The following TBC1D9B variants were observed in gnomAD, a reference collection of about 807,000 sequenced individuals.
The protein encoded by TBC1D9B is TBC1 domain family member 9B.
A neutral mutation model predicts 121.1 loss-of-function variants in TBC1D9B; 87 were observed. The observed-to-expected ratio is 0.72, with a 90% CI of 0.60 to 0.86. The LOEUF (loss-of-function observed/expected upper bound fraction) is 0.86, where lower values mean the gene tolerates loss of function less well. Ranked by LOEUF, TBC1D9B falls within the 40% of genes least tolerant of loss-of-function variation. The pLI, the probability that TBC1D9B is intolerant of heterozygous loss-of-function variation, is 0.00. For missense variants in TBC1D9B, 1,540 were observed against 1,628.6 expected (o/e 0.95, Z 0.94); for synonymous variants, 668 against 670.1 (o/e 1.00, Z 0.05).
chr5:179,901,204 A>G (rs1761157410), intron 2 of TBC1D9B, among the ~76,000 whole-genome samples: 1 of 152,198 alleles, frequency 6.6e-6, no homozygotes, highest in Non-Finnish European at 1.5e-5. Context: ...TTACTCCTGG[A>G]AGCCCCTTAA....
rs1297692868 is a variant in TBC1D9B, at chr5:179,875,936, G to A, written c.1884C>T (p.Tyr628=). The A allele has an allele frequency of 4.4e-6, 7 of 1,607,816 alleles. No homozygotes were observed. Among genetic ancestry groups the A allele is most frequent in the Non-Finnish European group, 5.9e-6 (7 of 1,177,738 alleles). Residue 628 remains tyrosine, a synonymous_variant, in exon 11 of 21, where the codon TAC becomes TAT. Transcript: ENST00000355235. This position sits in a 1 kb window ranked among gnomAD's most constrained non-coding sequence, Gnocchi z 4.5. ...GACACTCACCCACCACCCTGGTGTTGTAGTAGTCGGGCAGCATGCGCTCGC... is the reference window on the plus strand; with the variant it reads ...GACACTCACCCACCACCCTGGTGTTATAGTAGTCGGGCAGCATGCGCTCGC... ...ALCERMLPDY[Y]NTRVVGALVD... is the part of the protein sequence containing the mutation.
At chr5:179,870,623 G>T in intron 15 of TBC1D9B, 128 bp from the exon 16 acceptor site, 1 of 1,355,470 alleles carries the variant, frequency 7.4e-7, no homozygotes. Flanking sequence ...GTAAGCACGG[G>T]CCAGACACTG....
rs567309688 is a variant in TBC1D9B, at chr5:179,887,044, G to C, written c.1254+1059C>G. 4.6e-5 allele frequency among the ~76,000 whole-genome samples: 7 copies of C among 152,352 alleles called. No homozygotes were observed. In the South Asian group the frequency reaches 1.4e-3, roughly 32 times the overall value. ...AAAAACTCACTGGTCACATGTGGAA[G>C]ACACTAGAAAACCAACTCATCATTA... On this transcript the variant is annotated intron_variant, in intron 7 of 20. Transcript: ENST00000355235.
intron 5 of TBC1D9B, among the ~76,000 whole-genome samples, chr5:179,892,538 G>A (rs1034469203): frequency 8.5e-5 from 13 of 152,244 alleles, no homozygotes; most frequent in Admixed American, 3.9e-4. Context: ...GAACCCAAAC[G>A]TTAAGTAGCC....
intron 12 of TBC1D9B, among the ~76,000 whole-genome samples, chr5:179,873,973 C>T (rs1254604493): frequency 1.3e-5 from 2 of 152,212 alleles, no homozygotes; most frequent in East Asian, 3.8e-4. Context: ...GGACCAAAAG[C>T]TACTTAGGCC....
In TBC1D9B at chr5:179,902,664, C is replaced by T. The variant is rs1761196178; in HGVS notation, c.229+2038G>A. On this transcript the variant is annotated intron_variant, in intron 2 of 20. Transcript: ENST00000355235. The surrounding 1 kb of genome is among the most constrained non-coding windows in gnomAD (Gnocchi z 4.9). Reference sequence around the variant, plus strand: ...CTCTGCCCCTCGTACTTTTCTCTCCCCAGGGACGGGCAGCTCTTGCTGCCA... The same window carrying T: ...CTCTGCCCCTCGTACTTTTCTCTCCTCAGGGACGGGCAGCTCTTGCTGCCA... 6.6e-6 allele frequency among the ~76,000 whole-genome samples: 1 copy of T among 152,166 alleles called. No individual in the cohort carries two copies. Among genetic ancestry groups the T allele is most frequent in the African/African-American group, 2.4e-5 (1 of 41,444 alleles).
chr5:179,907,574 G>C lies in TBC1D9B; in HGVS notation c.118+130C>G, dbSNP rs1334720206. ...TGGCCTCGCGCCCCCGCCCCGCCGC[G>C]CGCTGGCGTGCGTGTCCGCCGCGAC... On this transcript the variant is annotated intron_variant, in intron 1 of 20. Coordinates refer to ENST00000355235, the MANE Select transcript of TBC1D9B (RefSeq NM_015043.4). This position sits in a 1 kb window ranked among gnomAD's most constrained non-coding sequence, Gnocchi z 5.3. 1.9e-5 allele frequency: 7 copies of C among 374,310 alleles called. No individual in the cohort carries two copies. In the East Asian group the frequency reaches 1.2e-3, roughly 63 times the overall value. 23.2% of individuals were successfully genotyped at this position (374,310 alleles called of 1,614,324 possible).
At position 179,904,940 on chromosome 5, in the gene TBC1D9B, G is replaced by A. The variant is rs143553049; in HGVS notation, c.119-128C>T. The A allele has an allele frequency of 5.4e-3, 3,582 of 662,384 alleles. 44 individuals carry two copies. The highest frequency in any genetic ancestry group is 0.029 in the Middle Eastern group (99 of 3,374). The allele number at this position is 662,384 out of a possible 1,614,324, so 41.0% of individuals were successfully genotyped here. ...AAGGGTCCAGCCCAACGAGGGAAAC[G>A]TCCGGAATGACCCCTGCGGTCAAAG... On this transcript the variant is annotated intron_variant, in intron 1 of 20. Coordinates refer to ENST00000355235, the MANE Select transcript of TBC1D9B (RefSeq NM_015043.4). The surrounding 1 kb of genome is among the most constrained non-coding windows in gnomAD (Gnocchi z 4.2).
chr5:179,899,029 C>T (rs766001836), intron 3 of TBC1D9B, among the ~76,000 whole-genome samples, 160 bp downstream of exon 3: 10 of 152,194 alleles, frequency 6.6e-5, no homozygotes, highest in Non-Finnish European at 1.0e-4. Context: ...TCACGAGTTC[C>T]TCTGCCCCTT....
chr5:179,872,998 G>A lies in TBC1D9B; in HGVS notation c.2317-8C>T. Reference sequence around the variant, plus strand: ...CCTCAGGCTGCTGAATTTCTATAGGGAGAGGTGACTTGGTGAGATCAAGCC... The same window carrying A: ...CCTCAGGCTGCTGAATTTCTATAGGAAGAGGTGACTTGGTGAGATCAAGCC... On this transcript the variant is annotated splice_polypyrimidine_tract_variant and splice_region_variant and intron_variant, in intron 13 of 20. Transcript: ENST00000355235. The A allele has an allele frequency of 6.2e-7, 1 of 1,614,022 alleles. No homozygotes were observed. Among genetic ancestry groups the A allele is most frequent in the Non-Finnish European group, 8.5e-7 (1 of 1,180,012 alleles).
chr5:179,894,266 G>T, intron 4 of TBC1D9B, 120 bp downstream of exon 4: 2 of 947,182 alleles, frequency 2.1e-6, no homozygotes, highest in South Asian at 1.6e-5. Flanking sequence ...GGCCGCTAAG[G>T]TGGCATTTGG....
chr5:179,870,417 C>T lies in TBC1D9B; in HGVS notation c.2563G>A (p.Glu855Lys), dbSNP rs753993752. 3 of 1,613,620 alleles carry T rather than the reference C, an allele frequency of 1.9e-6. No individual in the cohort carries two copies. In the East Asian group the frequency reaches 6.7e-5, roughly 36 times the overall value. The change falls in exon 16 of 21, where the codon GAG (glutamate) becomes AAG (lysine). Residue 855 changes from glutamate to lysine, a missense_variant. Glu to Lys is a moderately conservative substitution (Grantham distance 56). Transcript: ENST00000355235. ...TGGCTGGCATCAATCCGGTACTGCT[C>T]CAGGTAGGGCAGGCTGGGGTCCCGA... ...GRRDPSLPYLEQYRIDASQFR... is the reference protein window; with the variant it reads ...GRRDPSLPYLKQYRIDASQFR...
chr5:179,903,017 T>G (rs1176018388), intron 2 of TBC1D9B, among the ~76,000 whole-genome samples: 1 of 152,180 alleles, frequency 6.6e-6, no homozygotes, highest in East Asian at 1.9e-4. Flanking sequence ...CGCCCTGTGC[T>G]TTTACTTCCT....
At chr5:179,864,505 C>T (rs1408900171) in intron 20 of TBC1D9B, among the ~76,000 whole-genome samples, 1 of 151,690 alleles carries the variant, frequency 6.6e-6, no homozygotes, top group Non-Finnish European at 1.5e-5. Context: ...CAGAAGCAGC[C>T]TCAACTCAGC....
chr5:179,867,799 T>A lies in TBC1D9B; in HGVS notation c.2842A>T (p.Thr948Ser). Residue 948 changes from threonine (T) to serine (S), a missense_variant, in exon 18 of 21, where the codon ACA (threonine) becomes TCA (serine). Coordinates refer to ENST00000355235, the MANE Select transcript of TBC1D9B (RefSeq NM_015043.4). ...ESALEAAHYFTEDSSSEEALP... is the reference protein window; with the variant it reads ...ESALEAAHYFSEDSSSEEALP... Reference sequence around the variant, plus strand: ...TCACCTTCTGAGGAGCTGTCCTCTGTGAAATAATGGGCCGCCTCCAGGGCT... The same window carrying A: ...TCACCTTCTGAGGAGCTGTCCTCTGAGAAATAATGGGCCGCCTCCAGGGCT... 1 of 1,546,464 alleles carries A rather than the reference T, an allele frequency of 6.5e-7. No homozygotes were observed. Among genetic ancestry groups the A allele is most frequent in the South Asian group, 1.2e-5 (1 of 81,314 alleles).
Position 179,874,859 on chromosome 5 carries a change from TCTG to T in TBC1D9B, c.2186+40_2186+42del. ...ACAGTGCCCGGGGCTGGTGAGGGGT[TCTG>T]CTGTGAGCCCCCAGCAGGAGAAGGA... On this transcript the variant is annotated intron_variant, in intron 12 of 20. Coordinates refer to ENST00000355235, the MANE Select transcript of TBC1D9B (RefSeq NM_015043.4). The surrounding 1 kb of genome is among the most constrained non-coding windows in gnomAD (Gnocchi z 4.3). 2 of 1,598,750 alleles carry T rather than the reference TCTG, an allele frequency of 1.3e-6. No individual in the cohort carries two copies. The highest frequency in any genetic ancestry group is 1.7e-6 in the Non-Finnish European group (2 of 1,174,032).
At position 179,863,549 on chromosome 5, in the gene TBC1D9B, C is replaced by T; in HGVS notation, c.3601G>A (p.Glu1201Lys). 2 of 1,614,216 alleles carry T rather than the reference C, an allele frequency of 1.2e-6. No homozygotes were observed. Among genetic ancestry groups the T allele is most frequent in the Non-Finnish European group, 1.7e-6 (2 of 1,180,044 alleles). ...TTGAGTCCAATGTCCACTCTCTTCTCAAAGAAGTTCACCAGCACGGACTCC... is the reference window on the plus strand; with the variant it reads ...TTGAGTCCAATGTCCACTCTCTTCTTAAAGAAGTTCACCAGCACGGACTCC... ...LTESVLVNFF[E>K]KRVDIGLKIK... The change falls in exon 21 of 21, where the codon GAG becomes AAG. Residue 1201 changes from glutamate to lysine, a missense_variant. Coordinates refer to ENST00000355235, the MANE Select transcript of TBC1D9B (RefSeq NM_015043.4). This position sits in a 1 kb window ranked among gnomAD's most constrained non-coding sequence, Gnocchi z 4.5.
Position 179,888,206 on chromosome 5 carries a change from T to A in TBC1D9B, c.1151A>T (p.Asp384Val). Reference sequence around the variant, plus strand: ...GTCAGAGATCCTCTGCACCAAGAAATCACGGTCTTTCAGGTTGGCAAACAG... The same window carrying A: ...GTCAGAGATCCTCTGCACCAAGAAAACACGGTCTTTCAGGTTGGCAAACAG... ...TFLFANLKDR[D>V]FLVQRISDFL... Residue 384 changes from aspartate (D) to valine (V), a missense_variant, in exon 7 of 21, where the codon GAT becomes GTT. Physicochemically the swap from Asp to Val is radical, Grantham distance 152. Transcript: ENST00000355235. 2 of 1,612,846 alleles carry A rather than the reference T, an allele frequency of 1.2e-6. No individual in the cohort carries two copies. The highest frequency in any genetic ancestry group is 1.7e-6 in the Non-Finnish European group (2 of 1,179,534).
In TBC1D9B at chr5:179,891,285, A is replaced by G; in HGVS notation, c.1044+94T>C. On this transcript the variant is annotated intron_variant, in intron 6 of 20. Transcript: ENST00000355235. The surrounding 1 kb of genome is among the most constrained non-coding windows in gnomAD (Gnocchi z 4.3). ...TAGGGCATCCTCCCAGGTACCCCCC[A>G]GTGAGACAGGGCAGAGCAGGACAGG... is the stretch of plus-strand genomic sequence containing the variant. The G allele has an allele frequency of 3.5e-6, 5 of 1,430,508 alleles. No homozygotes were observed. Among genetic ancestry groups the G allele is most frequent in the Non-Finnish European group, 4.9e-6 (5 of 1,027,334 alleles). 88.6% of individuals were successfully genotyped at this position (1,430,508 alleles called of 1,614,324 possible).
Sources: allele counts gnomAD v4.1 joint callset (sites outside exome capture counted in the v4.1 genomes callset), GRCh38; gene constraint gnomAD v4.1.1; non-coding constraint Gnocchi (gnomAD v3.1); transcripts MANE v1.5; gene names NCBI Gene and HGNC (gene_info 2026-07-23, HGNC 2026-07-21).